DTNB: variants seen among roughly 807,000 people sequenced by gnomAD.
DTNB encodes dystrobrevin beta.
A neutral mutation model predicts 90.7 loss-of-function variants in DTNB; 63 were observed. The observed-to-expected ratio is 0.69, with a 90% CI of 0.57 to 0.86. The LOEUF is 0.86. DTNB is among the 40% of genes least tolerant of loss of function. The pLI, the probability that DTNB is intolerant of heterozygous loss-of-function variation, is 0.00. For synonymous variants in DTNB, 277 were observed against 286.7 expected (o/e 0.97, Z 0.34); for missense variants, 744 against 807.1 (o/e 0.92, Z 0.95).
rs758895953 is a variant in DTNB, at chr2:25,621,609, A to ATTT, written c.362+6559_362+6561dup. 6.6e-5 allele frequency among the ~76,000 whole-genome samples: 7 copies of ATTT among 105,988 alleles called. 1 individual carries two copies. The highest frequency in any genetic ancestry group is 5.8e-4 in the East Asian group (2 of 3,430). The allele number at this position is 105,988 out of a possible 152,430, so 69.5% of individuals were successfully genotyped here. On this transcript the variant is annotated intron_variant, in intron 4 of 20. Coordinates refer to ENST00000406818, the MANE Select transcript of DTNB (RefSeq NM_021907.5). ...CATGCACCACCACCATGCCTGGCTA[A>ATTT]TTTTTTTTTTTTTTTTTTTTTTTTT...
intron 1 of DTNB, among the ~76,000 whole-genome samples, chr2:25,664,557 C>T (rs973901411): frequency 2.0e-5 from 3 of 152,130 alleles, no homozygotes; most frequent in Admixed American, 6.5e-5. Context: ...CATCATCAGA[C>T]ACACAGATGA....
chr2:25,548,446 A>T, intron 8 of DTNB, among the ~76,000 whole-genome samples: 1 of 151,226 alleles, frequency 6.6e-6, no homozygotes, highest in Non-Finnish European at 1.5e-5. Flanking sequence ...TTAATTTCCA[A>T]TTTTACTGCA....
intron 5 of DTNB, chr2:25,599,147 G>C (rs1369979585): frequency 6.6e-6 from 1 of 151,128 alleles, no homozygotes; most frequent in Admixed American, 6.6e-5. Flanking sequence ...GGGGACAGGG[G>C]AGGCCAAGTC....
chr2:25,596,852 T>C (rs1347605995), intron 5 of DTNB, among the ~76,000 whole-genome samples: 1 of 152,182 alleles, frequency 6.6e-6, no homozygotes, highest in Non-Finnish European at 1.5e-5. Flanking sequence ...TAAGACCCTA[T>C]TTTTATATTA....
intron 8 of DTNB, among the ~76,000 whole-genome samples, chr2:25,572,549 T>C (rs1389669970): frequency 6.6e-6 from 1 of 151,820 alleles, no homozygotes; most frequent in African/African-American, 2.4e-5. Flanking sequence ...GTTTCTTCCT[T>C]ATCCGATATC....
intron 10 of DTNB, among the ~76,000 whole-genome samples, chr2:25,461,093 G>A (rs538597427): frequency 1.5e-3 from 228 of 152,200 alleles, no homozygotes; most frequent in Admixed American, 2.5e-3. Flanking sequence ...TAGTAGAGAT[G>A]GGGTTTTGCC....
chr2:25,670,654 C>T (rs919558998), intron 1 of DTNB, among the ~76,000 whole-genome samples: 1 of 151,444 alleles, frequency 6.6e-6, no homozygotes, highest in Non-Finnish European at 1.5e-5. Flanking sequence ...GGGCAGAATA[C>T]AATCTACACA....
At chr2:25,477,904 G>A (rs943398000) in intron 10 of DTNB, among the ~76,000 whole-genome samples, 2 of 151,216 alleles carry the variant, frequency 1.3e-5, no homozygotes, top group Non-Finnish European at 1.5e-5. Context: ...TTTAGCCTAC[G>A]TTTTAGTTTT....
At chr2:25,551,086 T>C (rs995536299) in intron 8 of DTNB, among the ~76,000 whole-genome samples, 1 of 152,256 alleles carries the variant, frequency 6.6e-6, no homozygotes, top group Non-Finnish European at 1.5e-5. Flanking sequence ...CTCTTGATGC[T>C]GAGTTTTGGA....
rs763642508 is a variant in DTNB at position 25,607,338 on chromosome 2, A to G, written c.363-17T>C. The G allele has an allele frequency of 5.0e-5, 78 of 1,570,000 alleles. No homozygotes were observed. The highest frequency in any genetic ancestry group is 1.7e-4 in the Middle Eastern group (1 of 6,028). On this transcript the variant is annotated splice_polypyrimidine_tract_variant and intron_variant, in intron 4 of 20. Transcript: ENST00000406818. ...CGGCCCTCACTGCAAAATAAATTAT[A>G]TTAGAAATAATTGCTATCTGAAACC...
At chr2:25,407,393 C>G (rs1386596630) in intron 16 of DTNB, among the ~76,000 whole-genome samples, 1 of 152,150 alleles carries the variant, frequency 6.6e-6, no homozygotes, top group Non-Finnish European at 1.5e-5. Context: ...AGTAGACCTA[C>G]CATTTGATCC....
intron 12 of DTNB, among the ~76,000 whole-genome samples, chr2:25,436,210 C>T (rs1456397637): frequency 6.6e-6 from 1 of 152,100 alleles, no homozygotes; most frequent in Non-Finnish European, 1.5e-5. Flanking sequence ...TGGTGGGCGC[C>T]TGTAATCTCA....
At chr2:25,601,298 T>A (rs1008092295) in intron 5 of DTNB, among the ~76,000 whole-genome samples, 2 of 152,204 alleles carry the variant, frequency 1.3e-5, no homozygotes, top group African/African-American at 4.8e-5. Context: ...CCCAGTTAAT[T>A]TCCCAAGTAA....
intron 9 of DTNB, among the ~76,000 whole-genome samples, chr2:25,519,006 A>G (rs2075662921): frequency 6.6e-6 from 1 of 152,050 alleles, no homozygotes; most frequent in Admixed American, 6.6e-5. Flanking sequence ...AATTGAATAG[A>G]CCCCAAGGTG....
chr2:25,618,366 C>T (rs1573505578), intron 4 of DTNB, among the ~76,000 whole-genome samples: 2 of 152,180 alleles, frequency 1.3e-5, no homozygotes, highest in Non-Finnish European at 2.9e-5. Flanking sequence ...TCCCACGAGA[C>T]ATCTGAAATT....
At chr2:25,513,704 G>T (rs749448213) in intron 9 of DTNB, among the ~76,000 whole-genome samples, 1 of 150,156 alleles carries the variant, frequency 6.7e-6, no homozygotes, top group Admixed American at 6.6e-5. Flanking sequence ...TCCAGCCTGG[G>T]TGACAGAGCA....
chr2:25,432,390 T>C (rs1185526515), intron 14 of DTNB, among the ~76,000 whole-genome samples: 3 of 152,222 alleles, frequency 2.0e-5, no homozygotes, highest in South Asian at 2.1e-4. Context: ...CTTAGTTTCC[T>C]GATTCTTGAG....
chr2:25,402,877 T>G (rs1424234912), intron 16 of DTNB, among the ~76,000 whole-genome samples: 1 of 152,210 alleles, frequency 6.6e-6, no homozygotes, highest in Non-Finnish European at 1.5e-5. Context: ...AGACAAAGCT[T>G]ATGCTAAGAA....
At chr2:25,509,155 TTTTCTCG>T (rs1196463674) in intron 9 of DTNB, among the ~76,000 whole-genome samples, 1 of 152,184 alleles carries the variant, frequency 6.6e-6, no homozygotes, top group Non-Finnish European at 1.5e-5. Flanking sequence ...TTTAATTTCT[TTTTCTCG>T]TATTACTGCA....
Sources: gnomAD v4.1 joint callset for allele counts (sites outside exome capture counted in the v4.1 genomes callset) on GRCh38, gnomAD v4.1.1 for gene constraint, MANE v1.5 for transcripts, NCBI Gene and HGNC (gene_info 2026-07-23, HGNC 2026-07-21) for gene names.